The following TNIK variants were observed in gnomAD, a reference collection of about 807,000 sequenced individuals.
TNIK encodes the protein TRAF2 and NCK interacting kinase, also known as TRAF2 and NCK-interacting protein kinase.
A neutral mutation model predicts 191.3 loss-of-function variants in TNIK; 49 were observed. The observed-to-expected ratio is 0.26, with a 90% CI of 0.20 to 0.32. The LOEUF is 0.32. TNIK is among the 10% of genes least tolerant of loss of function. The pLI is 1.00. For synonymous variants in TNIK, 594 were observed against 600.9 expected, an observed-to-expected ratio of 0.99 and a Z score of 0.17; for missense variants, 1,155 against 1,702.3, an observed-to-expected ratio of 0.68 and a Z score of 5.66.
chr3:171,414,227 G>C (rs1220417447), intron 1 of TNIK, among the ~76,000 whole-genome samples: 1 of 152,188 alleles, frequency 6.6e-6, no homozygotes, highest in Non-Finnish European at 1.5e-5. Flanking sequence ...CACAGAGCAT[G>C]CTGATTTCCA....
At chr3:171,158,579 C>T (rs1260167450) in intron 11 of TNIK, among the ~76,000 whole-genome samples, 1 of 152,166 alleles carries the variant, frequency 6.6e-6, no homozygotes, top group Non-Finnish European at 1.5e-5. Context: ...CTGGAAGCTT[C>T]CATTTGAAAT....
At chr3:171,336,028 G>T (rs1756921592) in intron 2 of TNIK, among the ~76,000 whole-genome samples, 1 of 151,972 alleles carries the variant, frequency 6.6e-6, no homozygotes, top group Admixed American at 6.6e-5. Context: ...CCGATGTTAA[G>T]TATCTTTACA....
At chr3:171,160,895 A>G (rs574265336) in intron 11 of TNIK, among the ~76,000 whole-genome samples, 172 of 152,356 alleles carry the variant, frequency 1.1e-3, no homozygotes, top group Middle Eastern at 3.4e-3. Flanking sequence ...TGAAGTAACG[A>G]ACTGAATAAC....
intron 7 of TNIK, 50 bp from the exon 8 acceptor site, chr3:171,177,430 A>G (rs368646527): frequency 2.5e-6 from 4 of 1,568,904 alleles, no homozygotes; most frequent in South Asian, 1.2e-5. Flanking sequence ...ACAAAGGACA[A>G]CTTGGTTAAA....
intron 2 of TNIK, among the ~76,000 whole-genome samples, chr3:171,264,419 A>T (rs1215642710): frequency 1.3e-5 from 2 of 151,974 alleles, no homozygotes; most frequent in Admixed American, 6.6e-5. Context: ...CAATGGTGCT[A>T]TCTCGGCTCA....
chr3:171,146,980 A>G lies in TNIK; in HGVS notation c.1222-6471T>C, dbSNP rs549327768. Among the ~76,000 whole-genome samples, 14 of 152,196 alleles carry G rather than the reference A, an allele frequency of 9.2e-5. No homozygotes were observed. The South Asian group carries it at 2.7e-3, about 29-fold the overall frequency. On this transcript the variant is annotated intron_variant, in intron 12 of 32. Coordinates refer to ENST00000436636, the MANE Select transcript of TNIK (RefSeq NM_015028.4). Reference sequence around the variant, plus strand: ...CTTCAGCTAAACTTTCAATGAGGGTATAGATTAAGTAATCTTGCAAATCTG... The same window carrying G: ...CTTCAGCTAAACTTTCAATGAGGGTGTAGATTAAGTAATCTTGCAAATCTG...
chr3:171,414,771 A>T (rs1009419534), intron 1 of TNIK, among the ~76,000 whole-genome samples: 3 of 152,246 alleles, frequency 2.0e-5, no homozygotes, highest in African/African-American at 4.8e-5. Flanking sequence ...TGGTTAAAGT[A>T]TCTATAGTAT....
intron 1 of TNIK, among the ~76,000 whole-genome samples, chr3:171,409,477 T>A (rs1054646982): frequency 6.6e-6 from 1 of 152,132 alleles, no homozygotes; most frequent in Non-Finnish European, 1.5e-5. Flanking sequence ...CTAGCTGATA[T>A]GTGTTTCTAT....
intron 2 of TNIK, among the ~76,000 whole-genome samples, chr3:171,253,155 G>A (rs940000318): frequency 6.6e-6 from 1 of 151,510 alleles, no homozygotes; most frequent in Non-Finnish European, 1.5e-5. Flanking sequence ...GTGGTGGCAG[G>A]TGCCTATAGT....
intron 12 of TNIK, among the ~76,000 whole-genome samples, chr3:171,147,497 G>A (rs141276348): frequency 3.8e-4 from 58 of 152,272 alleles, no homozygotes; most frequent in African/African-American, 1.4e-3. Context: ...TATAGGGTAA[G>A]GGCATGATTC....
At chr3:171,132,995 T>C (rs2108600538) in intron 15 of TNIK, among the ~76,000 whole-genome samples, 1 of 152,348 alleles carries the variant, frequency 6.6e-6, no homozygotes, top group South Asian at 2.1e-4. Context: ...GCTCCTTAGA[T>C]ACTTTGACCC....
intron 1 of TNIK, among the ~76,000 whole-genome samples, chr3:171,395,532 A>G (rs1720106881): frequency 6.6e-6 from 1 of 152,258 alleles, no homozygotes; most frequent in Non-Finnish European, 1.5e-5. Context: ...AAATGGACAC[A>G]GGCACTCAAG....
chr3:171,376,730 CAGAT>C (rs919991714), intron 1 of TNIK, among the ~76,000 whole-genome samples: 16 of 146,790 alleles, frequency 1.1e-4, no homozygotes, highest in South Asian at 6.5e-4. Context: ...TAAATATATA[CAGAT>C]AGATAGATAG....
intron 12 of TNIK, among the ~76,000 whole-genome samples, chr3:171,143,837 T>G (rs990201710): frequency 2.0e-5 from 3 of 152,210 alleles, no homozygotes; most frequent in Admixed American, 2.0e-4. Flanking sequence ...GATGCCCTTC[T>G]TAAGTAGCTC....
intron 1 of TNIK, among the ~76,000 whole-genome samples, chr3:171,417,811 C>T (rs1326600139): frequency 6.6e-6 from 1 of 152,228 alleles, no homozygotes; most frequent in Non-Finnish European, 1.5e-5. Context: ...CTTTGAAAGA[C>T]AAGCTTTCTC....
At chr3:171,440,511 A>T (rs10222648) in intron 1 of TNIK, among the ~76,000 whole-genome samples, 71,975 of 152,112 alleles carry the variant, frequency 0.47, 20,925 homozygotes, top group Middle Eastern at 0.65. Flanking sequence ...CAGTGGAGGA[A>T]ATAAAGTGTA....
intron 10 of TNIK, 51 bp from the exon 11 acceptor site, chr3:171,161,387 T>C (rs1733968175): frequency 1.3e-6 from 2 of 1,559,344 alleles, no homozygotes; most frequent in East Asian, 4.5e-5. Flanking sequence ...TATGGCTCAG[T>C]AAAGCCCAAC....
chr3:171,126,706 G>C (rs1728527394), intron 16 of TNIK, among the ~76,000 whole-genome samples: 1 of 152,154 alleles, frequency 6.6e-6, no homozygotes, highest in Admixed American at 6.5e-5. Context: ...GACTGGACCA[G>C]GCATTCTACA....
chr3:171,202,146 C>T (rs1451109732), intron 4 of TNIK, among the ~76,000 whole-genome samples: 2 of 152,108 alleles, frequency 1.3e-5, no homozygotes. Context: ...ACATTAGCTG[C>T]ATCTTGTATT....
Sources: gnomAD v4.1 joint callset for allele counts (sites outside exome capture counted in the v4.1 genomes callset) on GRCh38, gnomAD v4.1.1 for gene constraint, MANE v1.5 for transcripts, NCBI Gene and HGNC (gene_info 2026-07-23, HGNC 2026-07-21) for gene names.